The following C10orf88 variants were observed in gnomAD, a reference collection of about 807,000 sequenced individuals.
C10orf88 encodes the protein ATPase PAAT.
Under a neutral mutation model 34.2 loss-of-function variants are expected in C10orf88, and 29 were observed. The ratio of observed to expected loss-of-function variants is 0.85; its 90% CI spans 0.63 to 1.16. C10orf88 has a LOEUF of 1.16. Ranked by LOEUF, C10orf88 falls within the 50% of genes most tolerant of loss-of-function variation. The probability of loss-of-function intolerance (pLI) is 0.00; values close to 1 mark genes in which losing one functional copy is unlikely to be tolerated. For missense variants in C10orf88, 507 were observed against 533.2 expected (o/e 0.95, Z 0.48); for synonymous variants, 194 against 197.4 (o/e 0.98, Z 0.15).
At chr10:122,938,203 C>G (rs1277586695) in intron 4 of C10orf88, 44 bp from the exon 5 acceptor site, 2 of 1,470,974 alleles carry the variant, frequency 1.4e-6, no homozygotes, top group African/African-American at 2.8e-5. Flanking sequence ...ATAACACTGA[C>G]AGCTAACTTT....
chr10:122,947,161 G>A (rs1848648208), intron 4 of C10orf88, among the ~76,000 whole-genome samples: 1 of 152,148 alleles, frequency 6.6e-6, no homozygotes, highest in African/African-American at 2.4e-5. Context: ...TGAGAACATG[G>A]TGTGGGAGGA....
At chr10:122,937,649 C>T in intron 5 of C10orf88, 56 bp downstream of exon 5, 1 of 1,418,378 alleles carries the variant, frequency 7.1e-7, no homozygotes, top group East Asian at 2.3e-5. Flanking sequence ...TGTTTCCTTT[C>T]ATCTGATTCT....
At chr10:122,933,702 G>A (rs1285041871) in intron 5 of C10orf88, among the ~76,000 whole-genome samples, 1 of 152,146 alleles carries the variant, frequency 6.6e-6, no homozygotes, top group Admixed American at 6.5e-5. Flanking sequence ...GAGATTTAGT[G>A]TATAAATATA....
intron 3 of C10orf88, among the ~76,000 whole-genome samples, chr10:122,950,257 T>C (rs1848678674): frequency 6.6e-6 from 1 of 152,220 alleles, no homozygotes; most frequent in Non-Finnish European, 1.5e-5. Flanking sequence ...TATGTTAAAA[T>C]TTCCAGTAGC....
In C10orf88 at chr10:122,952,038, AAAG is replaced by A; in HGVS notation, c.369-15_369-13del. The A allele has an allele frequency of 7.5e-7, 1 of 1,337,754 alleles. No homozygotes were observed. Among genetic ancestry groups the A allele is most frequent in the Non-Finnish European group, 1.0e-6 (1 of 960,100 alleles). The allele number at this position is 1,337,754 out of a possible 1,614,324, so 82.9% of individuals were successfully genotyped here. A position where few individuals can be genotyped will look rare whatever the true frequency, so the allele number is the denominator to read the frequency against. ...TCTTTTCATGTTCACTAAAAATAAA[AAAG>A]AATTAATTTTTTTTACTTACATATA... On this transcript the variant is annotated splice_polypyrimidine_tract_variant and intron_variant, in intron 2 of 5. Transcript: ENST00000481909.
intron 4 of C10orf88, among the ~76,000 whole-genome samples, chr10:122,941,902 C>T (rs966323350): frequency 6.6e-6 from 1 of 152,118 alleles, no homozygotes; most frequent in East Asian, 1.9e-4. Flanking sequence ...TTCTGTGTTG[C>T]TACATGCATA....
At position 122,937,818 on chromosome 10, in the gene C10orf88, C is replaced by T; in HGVS notation, c.990G>A (p.Glu330=). ...VSDNSNIPNS[E]LLPFLQNLCS... is the part of the protein sequence containing the mutation. ...ATAAATTCTGGAGAAAAGGCAGCAA[C>T]TCGGAGTTGGGTATATTTGAGTTGT... Residue 330 remains glutamate, a synonymous_variant, in exon 5 of 6, where the codon GAG becomes GAA. Transcript: ENST00000481909. 6.2e-7 allele frequency: 1 copy of T among 1,613,170 alleles called. No homozygotes were observed. Among genetic ancestry groups the T allele is most frequent in the Non-Finnish European group, 8.5e-7 (1 of 1,179,356 alleles).
In C10orf88 at chr10:122,932,319, T is replaced by C. The variant is rs1232643739; in HGVS notation, c.*108A>G. The C allele has an allele frequency of 1.3e-5, 12 of 911,952 alleles. No individual in the cohort carries two copies. The highest frequency in any genetic ancestry group is 1.0e-4 in the African/African-American group (6 of 59,202). 56.5% of individuals were successfully genotyped at this position (911,952 alleles called of 1,614,324 possible). A position where few individuals can be genotyped will look rare whatever the true frequency, so the allele number is the denominator to read the frequency against. ...ACTGAGGTCACTTTGTGTAAGACAA[T>C]GATCCCTCAAAGGACATTAAATACT... On this transcript the variant is annotated 3_prime_UTR_variant, in exon 6 of 6. Coordinates refer to ENST00000481909, the MANE Select transcript of C10orf88 (RefSeq NM_024942.4).
chr10:122,951,597 G>A (rs1848690337), intron 3 of C10orf88, among the ~76,000 whole-genome samples: 2 of 151,982 alleles, frequency 1.3e-5, no homozygotes, highest in South Asian at 4.2e-4. Flanking sequence ...ATGTTAAAAA[G>A]GGCTGATAAT....
rs549918529 is a variant in C10orf88 at position 122,953,932 on chromosome 10, A to G, written c.164+83T>C. ...CTGCTCTCCCGGATCCCGGGCTCAG[A>G]CCCTCTCGCCTCCCCTCACAGCTCC... On this transcript the variant is annotated intron_variant, in intron 1 of 5. Transcript: ENST00000481909. The G allele has an allele frequency of 4.3e-5, 58 of 1,352,664 alleles. No individual in the cohort carries two copies. The East Asian group carries it at 1.4e-3, about 32-fold the overall frequency. The allele number at this position is 1,352,664 out of a possible 1,614,324, so 83.8% of individuals were successfully genotyped here. A position where few individuals can be genotyped will look rare whatever the true frequency, so the allele number is the denominator to read the frequency against.
intron 5 of C10orf88, among the ~76,000 whole-genome samples, chr10:122,934,813 C>T (rs1305711229): frequency 1.3e-5 from 2 of 152,078 alleles, no homozygotes; most frequent in African/African-American, 4.8e-5. Flanking sequence ...ACATCTTTGT[C>T]AGCATTTGGT....
intron 5 of C10orf88, among the ~76,000 whole-genome samples, chr10:122,936,575 G>A (rs1358562673): frequency 3.3e-5 from 5 of 151,844 alleles, no homozygotes; most frequent in African/African-American, 1.2e-4. Flanking sequence ...TTGAGCTGTA[G>A]CTTTACGCTA....
At chr10:122,939,917 A>AATTATG (rs1848567822) in intron 4 of C10orf88, among the ~76,000 whole-genome samples, 7 of 151,984 alleles carry the variant, frequency 4.6e-5, no homozygotes, top group Non-Finnish European at 1.0e-4. Context: ...TGTTTATAAG[A>AATTATG]ATTCACTGAT....
At chr10:122,952,152 G>A (rs1848696214) in intron 2 of C10orf88, 126 bp from the exon 3 acceptor site, 8 of 580,212 alleles carry the variant, frequency 1.4e-5, no homozygotes, top group Non-Finnish European at 2.4e-5. Context: ...GGTGAGGCAT[G>A]AAGAGTTGGG....
chr10:122,951,744 T>A (rs533919233), intron 3 of C10orf88, among the ~76,000 whole-genome samples: 3 of 152,114 alleles, frequency 2.0e-5, no homozygotes, highest in Admixed American at 6.5e-5. Context: ...AGGTAGGAAG[T>A]TAGCTTGAGC....
Position 122,954,117 on chromosome 10 carries a change from T to C in C10orf88, c.62A>G (p.Asp21Gly). 6.3e-7 allele frequency: 1 copy of C among 1,589,010 alleles called. No individual in the cohort carries two copies. The highest frequency in any genetic ancestry group is 1.4e-5 in the African/African-American group (1 of 73,516). The part of the protein sequence containing the change: ...TRRPTLASSW[D>G]VAGGALTHSL... ...GTGGGTCAGGGCCCCGCCTGCAACATCCCAAGAAGAGGCCAGCGTGGGGCG... is the reference window on the plus strand; with the variant it reads ...GTGGGTCAGGGCCCCGCCTGCAACACCCCAAGAAGAGGCCAGCGTGGGGCG... Residue 21 changes from aspartate to glycine, a missense_variant, in exon 1 of 6, where the codon GAT becomes GGT. Transcript: ENST00000481909.
chr10:122,947,822 T>A (rs945154115), intron 4 of C10orf88, among the ~76,000 whole-genome samples: 2 of 152,212 alleles, frequency 1.3e-5, no homozygotes, highest in African/African-American at 4.8e-5. Flanking sequence ...GATTTTTCTA[T>A]CATAATACCA....
chr10:122,953,084 C>T (rs1414527333), intron 1 of C10orf88, 52 bp from the exon 2 acceptor site: 2 of 1,437,270 alleles, frequency 1.4e-6, no homozygotes, highest in Admixed American at 1.9e-5. Flanking sequence ...CTGAACATGA[C>T]TCTTCTTTTT....
chr10:122,935,459 G>C (rs1848526124), intron 5 of C10orf88, among the ~76,000 whole-genome samples: 18 of 151,982 alleles, frequency 1.2e-4, no homozygotes, highest in Admixed American at 1.2e-3. Context: ...TGGTGTACTT[G>C]TGCAGAGTTA....
Sources: allele counts gnomAD v4.1 joint callset (sites outside exome capture counted in the v4.1 genomes callset), GRCh38; gene constraint gnomAD v4.1.1; transcripts MANE v1.5; gene names NCBI Gene and HGNC (gene_info 2026-07-23, HGNC 2026-07-21).